Variants in TGFB2 observed in about 807,000 individuals in gnomAD.
TGFB2 encodes the protein transforming growth factor beta-2 proprotein.
TGFB2 carries 13 observed loss-of-function variants against 42.7 expected under a neutral mutation model. The observed-to-expected ratio is 0.30, with a 90% CI of 0.20 to 0.48. TGFB2 has a LOEUF of 0.48. Among genes scored for constraint, TGFB2 ranks in the 20% least tolerant of loss-of-function variants. The pLI is 0.99. For missense variants in TGFB2, 390 were observed against 517.5 expected (o/e 0.75, Z 2.39); for synonymous variants, 193 against 193.6 (o/e 1.00, Z 0.03).
rs2102527082 is a variant in TGFB2, at chr1:218,346,600, A to AAC, written c.-101_-100insCA. On this transcript the variant is annotated 5_prime_UTR_variant, in exon 1 of 7. Coordinates refer to ENST00000366930, the MANE Select transcript of TGFB2 (RefSeq NM_003238.6). The surrounding 1 kb of genome is among the most constrained non-coding windows in gnomAD (Gnocchi z 4.9). Reference sequence around the variant, plus strand: ...GTTTCGCATCAAAAACAACAACAACAAAAAACCAAACAACTCTCCTTGATC... The same window carrying AAC: ...GTTTCGCATCAAAAACAACAACAACAACAAAAACCAAACAACTCTCCTTGATC... 1.8e-6 allele frequency: 2 copies of AAC among 1,132,196 alleles called. No individual in the cohort carries two copies. Among genetic ancestry groups the AAC allele is most frequent in the African/African-American group, 3.1e-5 (2 of 63,636 alleles). The allele number at this position is 1,132,196 out of a possible 1,614,324, so 70.1% of individuals were successfully genotyped here.
At chr1:218,433,911 C>T (rs939516681) in intron 2 of TGFB2, among the ~76,000 whole-genome samples, 171 bp from the exon 3 acceptor site, 4 of 152,088 alleles carry the variant, frequency 2.6e-5, no homozygotes, top group Non-Finnish European at 5.9e-5. Flanking sequence ...TGGCAAATAG[C>T]CTGGTGTTGT....
chr1:218,346,665 C>T lies in TGFB2; in HGVS notation c.-37C>T. ...TGTTGATTTCTTTTTTTTATTCTGA[C>T]TTTTAAAAACAACTTTTTTTTCCAC... On this transcript the variant is annotated 5_prime_UTR_variant, in exon 1 of 7. Transcript: ENST00000366930. The surrounding 1 kb of genome is among the most constrained non-coding windows in gnomAD (Gnocchi z 4.9). 1.3e-6 allele frequency: 2 copies of T among 1,536,646 alleles called. No individual in the cohort carries two copies. The highest frequency in any genetic ancestry group is 2.3e-5 in the East Asian group (1 of 44,108).
At chr1:218,355,892 G>A (rs1657016614) in intron 1 of TGFB2, among the ~76,000 whole-genome samples, 1 of 152,156 alleles carries the variant, frequency 6.6e-6, no homozygotes, top group South Asian at 2.1e-4. Context: ...CTGGATTTTA[G>A]AAATAATAGA....
At chr1:218,427,384 T>C (rs1320917240) in intron 2 of TGFB2, among the ~76,000 whole-genome samples, 2 of 152,168 alleles carry the variant, frequency 1.3e-5, no homozygotes, top group Non-Finnish European at 2.9e-5. Context: ...GTGCACAATG[T>C]GCAGGTTTGT....
At chr1:218,358,984 C>A (rs540037274) in intron 1 of TGFB2, among the ~76,000 whole-genome samples, 82 of 148,958 alleles carry the variant, frequency 5.5e-4, no homozygotes, top group Middle Eastern at 4.0e-3. Context: ...GGTCAAGGAA[C>A]GGTCCCCCCA....
intron 1 of TGFB2, among the ~76,000 whole-genome samples, chr1:218,349,787 T>C (rs1656810053): frequency 6.6e-6 from 1 of 152,230 alleles, no homozygotes; most frequent in Non-Finnish European, 1.5e-5. Flanking sequence ...GTCTTAAATA[T>C]TATCCTTGGC....
intron 1 of TGFB2, among the ~76,000 whole-genome samples, chr1:218,392,423 A>T (rs531648476): frequency 1.3e-5 from 2 of 152,312 alleles, no homozygotes; most frequent in Admixed American, 1.3e-4. Context: ...AAGGGAATAG[A>T]TCATCTTATG....
In TGFB2 at chr1:218,346,051, C is replaced by T. The variant is rs1656658438; in HGVS notation, c.-651C>T. ...GCGCTGGGCTCGCCCCCAGCGCGCG[C>T]ACACGCACACACACACACACACACA... On this transcript the variant is annotated 5_prime_UTR_variant, in exon 1 of 7. Transcript: ENST00000366930. The surrounding 1 kb of genome is among the most constrained non-coding windows in gnomAD (Gnocchi z 4.9). Among the ~76,000 whole-genome samples, 1 of 147,508 alleles carries T rather than the reference C, an allele frequency of 6.8e-6. No homozygotes were observed.
rs552994156 is a variant in TGFB2 at position 218,412,694 on chromosome 1, G to A, written c.510+7362G>A. ...TGTCTATGACGGCCAGGTGGGGAGT[G>A]CGTGTTCAACATGTGTTAGTTCCCT... On this transcript the variant is annotated intron_variant, in intron 2 of 6. Coordinates refer to ENST00000366930, the MANE Select transcript of TGFB2 (RefSeq NM_003238.6). Among the ~76,000 whole-genome samples, 3 of 152,158 alleles carry A rather than the reference G, an allele frequency of 2.0e-5. No individual in the cohort carries two copies. In the South Asian group the frequency reaches 6.2e-4, roughly 31 times the overall value.
At chr1:218,378,799 C>T (rs1657847169) in intron 1 of TGFB2, among the ~76,000 whole-genome samples, 1 of 150,862 alleles carries the variant, frequency 6.6e-6, no homozygotes, top group South Asian at 2.1e-4. Flanking sequence ...ACAGAAGGGA[C>T]CTGAGGAAAC....
At chr1:218,420,312 C>A (rs541258901) in intron 2 of TGFB2, among the ~76,000 whole-genome samples, 1 of 152,186 alleles carries the variant, frequency 6.6e-6, no homozygotes, top group African/African-American at 2.4e-5. Context: ...TCTACCATTA[C>A]GTATTGTACT....
chr1:218,402,244 C>T (rs1243736190), intron 1 of TGFB2, among the ~76,000 whole-genome samples: 1 of 152,164 alleles, frequency 6.6e-6, no homozygotes, highest in Non-Finnish European at 1.5e-5. Context: ...ACTTATAAAA[C>T]AAGGACCAAA....
At chr1:218,402,270 T>G (rs1558246642) in intron 1 of TGFB2, among the ~76,000 whole-genome samples, 2 of 152,238 alleles carry the variant, frequency 1.3e-5, no homozygotes, top group African/African-American at 2.4e-5. Context: ...AGATTTGTGT[T>G]ATTAGACAGT....
At chr1:218,404,941 T>C (rs1409762409) in intron 1 of TGFB2, among the ~76,000 whole-genome samples, 1 of 152,254 alleles carries the variant, frequency 6.6e-6, no homozygotes, top group East Asian at 1.9e-4. Context: ...CAAATGGAGT[T>C]GGAAGTGGTT....
chr1:218,422,633 A>G (rs1659494827), intron 2 of TGFB2, among the ~76,000 whole-genome samples: 2 of 152,202 alleles, frequency 1.3e-5, no homozygotes, highest in Middle Eastern at 3.4e-3. Flanking sequence ...TCTACAGGAA[A>G]TCTTCCCTGA....
At chr1:218,428,139 G>T (rs1262280038) in intron 2 of TGFB2, among the ~76,000 whole-genome samples, 1 of 152,214 alleles carries the variant, frequency 6.6e-6, no homozygotes, top group African/African-American at 2.4e-5. Context: ...CTTCTTTTGA[G>T]AAGTGTCTGT....
At chr1:218,432,871 A>G (rs1349370099) in intron 2 of TGFB2, among the ~76,000 whole-genome samples, 1 of 152,210 alleles carries the variant, frequency 6.6e-6, no homozygotes, top group Non-Finnish European at 1.5e-5. Context: ...GAGGAAAGGC[A>G]GCATACAGGG....
At chr1:218,375,806 A>G (rs1290520057) in intron 1 of TGFB2, among the ~76,000 whole-genome samples, 7 of 152,166 alleles carry the variant, frequency 4.6e-5, no homozygotes, top group Non-Finnish European at 7.4e-5. Flanking sequence ...GGAATAGCTA[A>G]TGGATGCTGG....
chr1:218,359,897 G>T (rs1211072573), intron 1 of TGFB2, among the ~76,000 whole-genome samples: 2 of 152,098 alleles, frequency 1.3e-5, no homozygotes, highest in Non-Finnish European at 1.5e-5. Context: ...CTATCCTATA[G>T]ACCCTCACAG....
Sources: gnomAD v4.1 joint callset for allele counts (sites outside exome capture counted in the v4.1 genomes callset) on GRCh38, gnomAD v4.1.1 for gene constraint, Gnocchi (gnomAD v3.1) non-coding constraint, MANE v1.5 for transcripts, NCBI Gene and HGNC (gene_info 2026-07-23, HGNC 2026-07-21) for gene names.